The following TRMT11 variants were observed in gnomAD, a reference collection of about 807,000 sequenced individuals.
The protein encoded by TRMT11 is tRNA (guanine(10)-N(2))-methyltransferase TRMT11.
A neutral mutation model predicts 62.8 loss-of-function variants in TRMT11; 53 were observed. That is an observed-to-expected ratio of 0.84 (90% CI 0.68 to 1.06). The LOEUF (loss-of-function observed/expected upper bound fraction) is 1.06. TRMT11 is among the 50% of genes least tolerant of loss of function. TRMT11 has a pLI of 0.00. For missense variants in TRMT11, 556 were observed against 553.4 expected, an observed-to-expected ratio of 1.00 and a Z score of -0.05; for synonymous variants, 188 against 190.3, an observed-to-expected ratio of 0.99 and a Z score of 0.10.
chr6:126,139,960 T>C (rs745598402), intron 21 of TRMT11, among the ~76,000 whole-genome samples: 5 of 152,126 alleles, frequency 3.3e-5, no homozygotes, highest in Admixed American at 6.6e-5. Flanking sequence ...AAGTGCTGGA[T>C]AGATAATGAT....
upstream of TRMT11, among the ~76,000 whole-genome samples, chr6:126,173,570 C>A (rs1778353764): frequency 6.6e-6 from 1 of 152,096 alleles, no homozygotes. Context: ...GGTAAGCAGA[C>A]CCCAGAGATG....
intron 12 of TRMT11, among the ~76,000 whole-genome samples, chr6:126,037,330 G>A (rs1775378554): frequency 2.6e-5 from 4 of 151,888 alleles, no homozygotes; most frequent in African/African-American, 4.8e-5. Context: ...TTGTTAGGTC[G>A]TACATATAAA....
intron 17 of TRMT11, among the ~76,000 whole-genome samples, chr6:126,098,140 T>C (rs1389356897): frequency 6.6e-6 from 1 of 152,098 alleles, no homozygotes; most frequent in Non-Finnish European, 1.5e-5. Context: ...CTCCCTGCCT[T>C]CCCTACCTGC....
At chr6:126,006,744 G>A (rs1050756579) in intron 7 of TRMT11, 1 of 151,660 alleles carries the variant, frequency 6.6e-6, no homozygotes, top group African/African-American at 2.4e-5. Context: ...GTTCAGATAA[G>A]CTAATTTATT....
At chr6:126,214,240 C>G in the TRMT11 span, among the ~76,000 whole-genome samples, 5 of 151,992 alleles carry the variant, frequency 3.3e-5, no homozygotes, top group Non-Finnish European at 5.9e-5. Flanking sequence ...CAAGGTAATA[C>G]TGGCCTCATA....
At chr6:126,206,677 T>C (rs1311319883), downstream of TRMT11, among the ~76,000 whole-genome samples, 3 of 152,240 alleles carry the variant, frequency 2.0e-5, no homozygotes, top group Non-Finnish European at 4.4e-5. Context: ...TACAACTCTT[T>C]AAGCCTCCCT....
chr6:126,196,472 A>C, intron 1 of TRMT11, among the ~76,000 whole-genome samples: 1 of 152,174 alleles, frequency 6.6e-6, no homozygotes, highest in Middle Eastern at 3.4e-3. Context: ...ATTTTCAATA[A>C]AAATTTTCTT....
intron 1 of TRMT11, among the ~76,000 whole-genome samples, chr6:126,177,726 G>A (rs1778403554): frequency 1.3e-5 from 2 of 151,794 alleles, no homozygotes; most frequent in Non-Finnish European, 2.9e-5. Context: ...AGCTCAGAAG[G>A]GTGCTCTGAC....
At chr6:126,205,839 G>A (rs776781698), downstream of TRMT11, among the ~76,000 whole-genome samples, 5 of 151,128 alleles carry the variant, frequency 3.3e-5, no homozygotes, top group East Asian at 2.0e-4. Context: ...AAAAGATGGC[G>A]GAAACCTCAG....
intron 16 of TRMT11, among the ~76,000 whole-genome samples, chr6:126,049,190 T>G (rs1776143488): frequency 6.6e-6 from 1 of 151,924 alleles, no homozygotes; most frequent in Non-Finnish European, 1.5e-5. Context: ...CAAAGTTACC[T>G]CTCAACAGGG....
chr6:126,171,057 C>T (rs998060937), intron 21 of TRMT11, among the ~76,000 whole-genome samples: 4 of 152,026 alleles, frequency 2.6e-5, no homozygotes, highest in Non-Finnish European at 5.9e-5. Flanking sequence ...TTACTGATGC[C>T]CTCAGTGCTG....
the TRMT11 span, among the ~76,000 whole-genome samples, chr6:126,242,242 T>A: frequency 0.011 from 1,604 of 152,268 alleles, 20 homozygotes; most frequent in African/African-American, 0.037. Context: ...GTGAAGGACC[T>A]CTTCAAGGAG....
At chr6:126,258,957 G>A in the TRMT11 span, among the ~76,000 whole-genome samples, 34 of 151,926 alleles carry the variant, frequency 2.2e-4, no homozygotes, top group East Asian at 5.8e-4. Context: ...CTATTTTTCC[G>A]GATCCTCTGC....
intron 17 of TRMT11, among the ~76,000 whole-genome samples, chr6:126,099,777 T>C (rs1777378052): frequency 6.6e-6 from 1 of 152,094 alleles, no homozygotes; most frequent in East Asian, 1.9e-4. Context: ...AAAAAAGAAG[T>C]AGAATAAACA....
intron 17 of TRMT11, among the ~76,000 whole-genome samples, chr6:126,102,758 T>A (rs1777416125): frequency 6.6e-6 from 1 of 152,084 alleles, no homozygotes; most frequent in South Asian, 2.1e-4. Flanking sequence ...TTCTAGTAAG[T>A]ATAAAAAAGT....
Position 125,993,777 on chromosome 6 carries a change from G to C in TRMT11, c.93G>C (p.Leu31Phe), listed in dbSNP as rs778327424. Residue 31 changes from leucine (L) to phenylalanine (F), a missense_variant, in exon 2 of 13, where the codon TTG becomes TTC. Transcript: ENST00000334379. ...FRLPEIKSLL[L>F]LFGGQFASSQ... Reference sequence around the variant, plus strand: ...TACAGGAAATAAAGTCTTTGCTTTTGCTTTTTGGAGGTCAGTTTGCCAGCA... The same window carrying C: ...TACAGGAAATAAAGTCTTTGCTTTTCCTTTTTGGAGGTCAGTTTGCCAGCA... The C allele has an allele frequency of 6.2e-7, 1 of 1,609,656 alleles. No individual in the cohort carries two copies. The highest frequency in any genetic ancestry group is 8.5e-7 in the Non-Finnish European group (1 of 1,176,792).
the TRMT11 span, among the ~76,000 whole-genome samples, chr6:126,255,985 G>C: frequency 4.6e-5 from 7 of 152,176 alleles, no homozygotes; most frequent in Non-Finnish European, 1.0e-4. Context: ...TGGCTGGGCA[G>C]TTCTGGCTCT....
chr6:126,049,258 C>G (rs930302447), intron 16 of TRMT11, among the ~76,000 whole-genome samples: 77 of 152,032 alleles, frequency 5.1e-4, no homozygotes, highest in Admixed American at 3.6e-3. Flanking sequence ...TTAACTCAGA[C>G]AATTGGTGAT....
chr6:126,242,853 C>A, the TRMT11 span, among the ~76,000 whole-genome samples: 2 of 152,150 alleles, frequency 1.3e-5, no homozygotes, highest in South Asian at 2.1e-4. Flanking sequence ...CTAGGCAATA[C>A]CATTCAGGAC....
Sources: gnomAD v4.1 joint callset for allele counts (sites outside exome capture counted in the v4.1 genomes callset) on GRCh38, gnomAD v4.1.1 for gene constraint, MANE v1.5 for transcripts, NCBI Gene and HGNC (gene_info 2026-07-23, HGNC 2026-07-21) for gene names.